The following DFFB variants were observed in gnomAD, a reference collection of about 807,000 sequenced individuals.
DFFB encodes the protein DNA fragmentation factor subunit beta.
DFFB carries 29 observed loss-of-function variants against 32.7 expected under a neutral mutation model. The observed-to-expected ratio is 0.89, with a 90% CI of 0.66 to 1.21. The LOEUF (loss-of-function observed/expected upper bound fraction) is 1.21, where lower values mean the gene tolerates loss of function less well. DFFB is among the 50% of genes most tolerant of loss of function. The pLI is 0.00. For missense variants in DFFB, 398 were observed against 440.6 expected (o/e 0.90, Z 0.87); for synonymous variants, 170 against 177.1 (o/e 0.96, Z 0.32).
At chr1:3,859,148 G>A (rs962860725) in intron 2 of DFFB, among the ~76,000 whole-genome samples, 2 of 152,210 alleles carry the variant, frequency 1.3e-5, no homozygotes, top group African/African-American at 4.8e-5. Context: ...GGGCTTTGGG[G>A]TTGGGGCCTG....
At chr1:3,858,310 C>G (rs1644800193) in intron 1 of DFFB, among the ~76,000 whole-genome samples, 2 of 152,222 alleles carry the variant, frequency 1.3e-5, no homozygotes, top group South Asian at 4.1e-4. Context: ...CACTTGTGCA[C>G]AGAGGCAACC....
At chr1:3,858,006 TGGCAC>T in intron 1 of DFFB, among the ~76,000 whole-genome samples, 1 of 152,326 alleles carries the variant, frequency 6.6e-6, no homozygotes, top group Admixed American at 6.5e-5. Context: ...TGCCAGGTAC[TGGCAC>T]GCGGGGTCAC....
At chr1:3,859,869 C>A (rs1644845148) in intron 2 of DFFB, among the ~76,000 whole-genome samples, 2 of 152,144 alleles carry the variant, frequency 1.3e-5, no homozygotes, top group African/African-American at 4.8e-5. Context: ...CTTTCTTTCC[C>A]ATTTCAGGGC....
intron 6 of DFFB, among the ~76,000 whole-genome samples, chr1:3,881,323 A>G (rs1479063338): frequency 1.3e-5 from 2 of 152,258 alleles, no homozygotes; most frequent in African/African-American, 2.4e-5. Flanking sequence ...CTGCTTCTGC[A>G]GCATTAGATA....
chr1:3,875,815 C>A (rs1271209580), intron 6 of DFFB, among the ~76,000 whole-genome samples: 2 of 152,284 alleles, frequency 1.3e-5, no homozygotes, highest in South Asian at 4.1e-4. Flanking sequence ...CTCACTCTGT[C>A]GCCCAGGCTG....
intron 2 of DFFB, among the ~76,000 whole-genome samples, chr1:3,863,536 C>T (rs1362633518): frequency 6.6e-6 from 1 of 152,184 alleles, no homozygotes; most frequent in African/African-American, 2.4e-5. Flanking sequence ...AATGAAAACA[C>T]GTCCACACCA....
At chr1:3,867,867 A>G in intron 3 of DFFB, 107 bp from the exon 4 acceptor site, 1 of 936,326 alleles carries the variant, frequency 1.1e-6, no homozygotes, top group South Asian at 1.4e-5. Context: ...ATGAAGCAGT[A>G]TGACCCTCAT....
At chr1:3,859,713 G>T (rs1184364526) in intron 2 of DFFB, among the ~76,000 whole-genome samples, 1 of 152,226 alleles carries the variant, frequency 6.6e-6, no homozygotes, top group African/African-American at 2.4e-5. Context: ...CTCCAAGGTT[G>T]CAAACCCCCT....
chr1:3,869,874 C>T, intron 5 of DFFB, 99 bp downstream of exon 5: 1 of 1,291,118 alleles, frequency 7.7e-7, no homozygotes, highest in South Asian at 1.5e-5. Context: ...CTTGCCCTGC[C>T]TGGGCAAAGC....
intron 6 of DFFB, 88 bp from the exon 7 acceptor site, chr1:3,883,419 G>T: frequency 8.0e-7 from 1 of 1,246,106 alleles, no homozygotes; most frequent in Non-Finnish European, 1.1e-6. Context: ...GGGAATTTGT[G>T]AAGAGCTGTG....
chr1:3,863,691 C>G (rs899149712), intron 2 of DFFB, among the ~76,000 whole-genome samples: 1 of 152,098 alleles, frequency 6.6e-6, no homozygotes, highest in African/African-American at 2.4e-5. Context: ...AGGAATGAAA[C>G]ACAGCATGGC....
chr1:3,870,217 T>A (rs1030956937), intron 5 of DFFB, among the ~76,000 whole-genome samples: 1 of 152,184 alleles, frequency 6.6e-6, no homozygotes, highest in African/African-American at 2.4e-5. Context: ...TGGTGATGCA[T>A]CTGTGTCTCT....
chr1:3,867,086 C>T lies in DFFB; in HGVS notation c.431-888C>T, dbSNP rs145970158. ...AATTTTTTTGTATTTTCAGTAGAGA[C>T]GGAGTTTCACTGTGTTAGCCAGGAC... On this transcript the variant is annotated intron_variant, in intron 3 of 6. Transcript: ENST00000378209. 5.9e-3 allele frequency among the ~76,000 whole-genome samples: 899 copies of T among 152,270 alleles called. 7 individuals carry two copies. Among genetic ancestry groups the T allele is most frequent in the African/African-American group, 0.021 (852 of 41,554 alleles).
intron 6 of DFFB, among the ~76,000 whole-genome samples, chr1:3,882,882 G>A (rs892840203): frequency 2.0e-5 from 3 of 152,118 alleles, no homozygotes; most frequent in Non-Finnish European, 2.9e-5. Flanking sequence ...AAATGTATAC[G>A]TAGATGAAAC....
Position 3,869,454 on chromosome 1 carries a change from T to A in DFFB, c.511-151T>A, listed in dbSNP as rs563135136. The A allele has an allele frequency of 1.3e-3, 936 of 741,574 alleles. 2 individuals carry two copies. In the African/African-American group the frequency reaches 0.015, roughly 12 times the overall value. 45.9% of individuals were successfully genotyped at this position (741,574 alleles called of 1,614,324 possible). The stretch of plus-strand genomic sequence containing the variant: ...CTCCCAGGGTGGGACAGCCCAGCAG[T>A]GGCCGAGAGGCCACGTGAACTCAGA... On this transcript the variant is annotated intron_variant, in intron 4 of 6. Transcript: ENST00000378209.
chr1:3,872,248 A>G (rs1052535731), intron 5 of DFFB, among the ~76,000 whole-genome samples: 3 of 152,098 alleles, frequency 2.0e-5, no homozygotes, highest in South Asian at 4.1e-4. Flanking sequence ...CCCTGTCTCT[A>G]CTGAAAATAC....
At chr1:3,857,788 C>A in intron 1 of DFFB, 71 bp downstream of exon 1, 1 of 1,171,172 alleles carries the variant, frequency 8.5e-7, no homozygotes, top group Non-Finnish European at 1.1e-6. Context: ...GCCGCTTTTC[C>A]TCTTCCAAAA....
intron 6 of DFFB, 61 bp downstream of exon 6, chr1:3,872,633 G>GCCCTGTCCCTGCCGCGT: frequency 6.9e-7 from 1 of 1,453,038 alleles, no homozygotes. Flanking sequence ...CCCTGCCGTG[G>GCCCTGTCCCTGCCGCGT]CCCTGTCCCT....
At chr1:3,861,932 G>A (rs1167116053) in intron 2 of DFFB, among the ~76,000 whole-genome samples, 2 of 152,226 alleles carry the variant, frequency 1.3e-5, no homozygotes, top group Non-Finnish European at 2.9e-5. Context: ...AAAGGAAGAA[G>A]TGAAGCTATT....
Sources: allele counts gnomAD v4.1 joint callset (sites outside exome capture counted in the v4.1 genomes callset), GRCh38; gene constraint gnomAD v4.1.1; transcripts MANE v1.5; gene names NCBI Gene and HGNC (gene_info 2026-07-23, HGNC 2026-07-21).